FRMPD4: variants seen among roughly 807,000 people sequenced by gnomAD.
FRMPD4 encodes the protein FERM and PDZ domain-containing protein 4.
A neutral mutation model predicts 94.1 loss-of-function variants in FRMPD4; 22 were observed. That is an observed-to-expected ratio of 0.23 (90% confidence interval 0.17 to 0.33). The LOEUF (loss-of-function observed/expected upper bound fraction) is 0.33. Among genes scored for constraint, FRMPD4 ranks in the 10% least tolerant of loss-of-function variants. The pLI is 1.00. For synonymous variants in FRMPD4, 631 were observed against 548.6 expected, an observed-to-expected ratio of 1.15 and a Z score of -2.10; for missense variants, 1,111 against 1,339.9, an observed-to-expected ratio of 0.83 and a Z score of 2.67.
intron 3 of FRMPD4, among the ~76,000 whole-genome samples, chrX:12,118,455 A>G: frequency 1.8e-5 from 2 of 112,559 alleles, no homozygotes; most frequent in South Asian, 7.4e-4. Flanking sequence ...CTGTTAACAA[A>G]CCTAGAAATA....
intron 3 of FRMPD4, among the ~76,000 whole-genome samples, chrX:11,976,399 A>G (rs895451960): frequency 4.4e-5 from 5 of 112,466 alleles, no homozygotes; most frequent in African/African-American, 1.6e-4. Context: ...CCTTTAAAAA[A>G]TCATGCAGCT....
At chrX:11,853,033 A>T (rs972412273) in intron 1 of FRMPD4, among the ~76,000 whole-genome samples, 5 of 112,426 alleles carry the variant, frequency 4.4e-5, no homozygotes, top group Non-Finnish European at 9.4e-5. Context: ...ATGCAAAAGT[A>T]CTGAAATCAT....
Position 12,243,747 on chromosome X carries a change from A to G in FRMPD4, c.41+104735A>G, listed in dbSNP as rs182777189. On this transcript the variant is annotated intron_variant, in intron 1 of 16. Coordinates refer to ENST00000675598, the MANE Select transcript of FRMPD4 (RefSeq NM_001368397.1). ...AGGCACTGTGCAGCATCCTGGGCCC[A>G]CATTCCTCACACTGGAGCAGAAACA... Among the ~76,000 whole-genome samples, 8 of 97,913 alleles carry G rather than the reference A, an allele frequency of 8.2e-5. No homozygotes were observed. The East Asian group carries it at 1.7e-3, about 20-fold the overall frequency. The allele number at this position is 97,913 out of a possible 115,157, so 85.0% of individuals were successfully genotyped here. A position where few individuals can be genotyped will look rare whatever the true frequency, so the allele number is the denominator to read the frequency against.
chrX:12,398,138 G>A (rs1262954233), intron 1 of FRMPD4, among the ~76,000 whole-genome samples: 3 of 110,995 alleles, frequency 2.7e-5, no homozygotes, highest in African/African-American at 9.8e-5. Flanking sequence ...CCCAATTCTG[G>A]GACTGAACTT....
At chrX:11,999,215 A>T (rs747570504) in intron 3 of FRMPD4, among the ~76,000 whole-genome samples, 57 of 111,572 alleles carry the variant, frequency 5.1e-4, no homozygotes, top group Non-Finnish European at 9.8e-4. Context: ...CTGGGAGCTG[A>T]TATCCTGTTT....
chrX:12,186,370 AATT>A (rs1402543995), intron 1 of FRMPD4, among the ~76,000 whole-genome samples: 2 of 111,695 alleles, frequency 1.8e-5, no homozygotes, highest in African/African-American at 3.2e-5. Context: ...ATGCTTAAAT[AATT>A]ATTATTAAAT....
intron 1 of FRMPD4, among the ~76,000 whole-genome samples, chrX:12,190,702 A>AC (rs890839074): frequency 5.6e-5 from 6 of 108,060 alleles, no homozygotes; most frequent in African/African-American, 2.0e-4. Flanking sequence ...ATTAAAAAAA[A>AC]AAAAAAAGAA....
At chrX:12,231,503 C>A (rs1234164472) in intron 1 of FRMPD4, among the ~76,000 whole-genome samples, 1 of 111,140 alleles carries the variant, frequency 9.0e-6, no homozygotes, top group African/African-American at 3.3e-5. Context: ...CACATAAGGC[C>A]CCCATGTGGC....
chrX:11,947,458 C>T (rs5979495), intron 3 of FRMPD4, among the ~76,000 whole-genome samples: 6,638 of 111,607 alleles, frequency 0.059, 226 homozygotes, highest in East Asian at 0.21. Flanking sequence ...TGATATAAAG[C>T]GAACACTTAG....
intron 3 of FRMPD4, chrX:12,614,115 C>T (rs1406475020): frequency 8.8e-6 from 1 of 113,154 alleles, no homozygotes; most frequent in Non-Finnish European, 1.9e-5. Flanking sequence ...GAAGGGGACA[C>T]CTGCCTAGCC....
chrX:12,567,057 C>G (rs765544276), intron 2 of FRMPD4, among the ~76,000 whole-genome samples: 1 of 111,098 alleles, frequency 9.0e-6, no homozygotes, highest in Non-Finnish European at 1.9e-5. Flanking sequence ...ATACATTTTC[C>G]TCTTTGCCCT....
At chrX:11,896,838 C>T (rs969712724) in intron 3 of FRMPD4, among the ~76,000 whole-genome samples, 5 of 111,391 alleles carry the variant, frequency 4.5e-5, no homozygotes, top group South Asian at 3.7e-4. Context: ...AAGGTGTCCA[C>T]GAATCCCCTG....
chrX:12,092,447 T>C (rs1305338277), intron 3 of FRMPD4, among the ~76,000 whole-genome samples: 1 of 111,943 alleles, frequency 8.9e-6, no homozygotes, highest in East Asian at 2.8e-4. Context: ...GCAGATATTT[T>C]CCCTTTCCAT....
intron 3 of FRMPD4, among the ~76,000 whole-genome samples, chrX:12,047,729 A>G (rs1474992226): frequency 1.8e-5 from 2 of 112,064 alleles, no homozygotes; most frequent in African/African-American, 3.2e-5. Context: ...GCTCCCACTT[A>G]TAAGTGAGAT....
chrX:12,701,067 C>CTT (rs34465193), intron 9 of FRMPD4, among the ~76,000 whole-genome samples: 367 of 56,478 alleles, frequency 6.5e-3, no homozygotes, highest in Non-Finnish European at 7.4e-3. Flanking sequence ...GTTTTGGCTT[C>CTT]TTTTTTTTTT....
chrX:12,411,283 G>A (rs1265300420), intron 1 of FRMPD4, among the ~76,000 whole-genome samples: 3 of 111,993 alleles, frequency 2.7e-5, no homozygotes, highest in South Asian at 3.7e-4. Flanking sequence ...CTTAGGTCCC[G>A]AAAGCATTTG....
intron 2 of FRMPD4, among the ~76,000 whole-genome samples, chrX:12,543,851 T>C (rs1454148397): frequency 3.7e-5 from 4 of 109,199 alleles, no homozygotes; most frequent in African/African-American, 1.3e-4. Flanking sequence ...TGTCCAACAA[T>C]GATAGACTGG....
At chrX:12,075,529 G>A (rs192772340) in intron 3 of FRMPD4, among the ~76,000 whole-genome samples, 3 of 112,059 alleles carry the variant, frequency 2.7e-5, no homozygotes, top group East Asian at 2.8e-4. Context: ...AATTCTGCAT[G>A]CCTTATGACC....
chrX:12,653,133 A>T (rs1001178678), intron 4 of FRMPD4, among the ~76,000 whole-genome samples: 1 of 112,198 alleles, frequency 8.9e-6, no homozygotes, highest in Non-Finnish European at 1.9e-5. Context: ...CTCATCAGTA[A>T]AATGGGGATA....
Sources: allele counts gnomAD v4.1 joint callset (sites outside exome capture counted in the v4.1 genomes callset), GRCh38; gene constraint gnomAD v4.1.1; transcripts MANE v1.5; gene names NCBI Gene and HGNC (gene_info 2026-07-23, HGNC 2026-07-21).